Variants in EPB41L1 observed in about 807,000 individuals in gnomAD.
The protein encoded by EPB41L1 is band 4.1-like protein 1.
Under a neutral mutation model 97.8 loss-of-function variants are expected in EPB41L1, and 29 were observed. The observed-to-expected ratio is 0.30, with a 90% CI of 0.22 to 0.40. The LOEUF (loss-of-function observed/expected upper bound fraction) is 0.40. EPB41L1 is among the 10% of genes least tolerant of loss of function. EPB41L1 has a pLI of 1.00. For synonymous variants in EPB41L1, 383 were observed against 459.2 expected (o/e 0.83, Z 2.12); for missense variants, 812 against 1,162.3 (o/e 0.70, Z 4.38).
At chr20:36,214,718 G>A (rs1008169045) in intron 17 of EPB41L1, among the ~76,000 whole-genome samples, 7 of 152,006 alleles carry the variant, frequency 4.6e-5, no homozygotes, top group Non-Finnish European at 1.0e-4. Context: ...AGAGAGAGAG[G>A]ATGGTCTTCT....
chr20:36,135,379 C>T (rs1600502450), intron 2 of EPB41L1, among the ~76,000 whole-genome samples: 1 of 152,256 alleles, frequency 6.6e-6, no homozygotes, highest in East Asian at 1.9e-4. Context: ...CGGTCTTGGC[C>T]TTAGGGACTG....
At chr20:36,189,796 T>A (rs192563820) in intron 9 of EPB41L1, among the ~76,000 whole-genome samples, 73 of 152,352 alleles carry the variant, frequency 4.8e-4, no homozygotes, top group Admixed American at 1.6e-3. Flanking sequence ...TGCCTTGGTC[T>A]CCATGTATCT....
At chr20:36,094,012 G>A (rs2057752173) in intron 1 of EPB41L1, among the ~76,000 whole-genome samples, 1 of 152,102 alleles carries the variant, frequency 6.6e-6, no homozygotes, top group African/African-American at 2.4e-5. Context: ...CCCTCCTCAG[G>A]AGACCTCTCT....
chr20:36,094,103 T>G (rs2057755065), intron 1 of EPB41L1, among the ~76,000 whole-genome samples: 1 of 152,236 alleles, frequency 6.6e-6, no homozygotes, highest in African/African-American at 2.4e-5. Flanking sequence ...AGATCTGTAG[T>G]CTGTGTGCAT....
chr20:36,197,469 G>T (rs1220871248), intron 13 of EPB41L1, among the ~76,000 whole-genome samples: 2 of 152,210 alleles, frequency 1.3e-5, no homozygotes, highest in Non-Finnish European at 2.9e-5. Context: ...GTTGCTGCCT[G>T]CTATGCCTTA....
intron 17 of EPB41L1, 119 bp from the exon 18 acceptor site, chr20:36,218,757 T>G: frequency 1.1e-6 from 1 of 910,882 alleles, no homozygotes; most frequent in Non-Finnish European, 1.8e-6. Context: ...CTTCAGTCCT[T>G]TGCTTCTATT....
At chr20:36,101,049 T>C (rs771690041) in intron 1 of EPB41L1, among the ~76,000 whole-genome samples, 2 of 152,204 alleles carry the variant, frequency 1.3e-5, no homozygotes, top group Non-Finnish European at 2.9e-5. Flanking sequence ...CAATTTTTCA[T>C]TGAATCGAGT....
chr20:36,181,314 C>G (rs1415821324), intron 5 of EPB41L1, among the ~76,000 whole-genome samples: 1 of 152,226 alleles, frequency 6.6e-6, no homozygotes, highest in Non-Finnish European at 1.5e-5. Flanking sequence ...TACCTCATAT[C>G]TACCTGCCTT....
rs1412912322 is a variant in EPB41L1 at position 36,092,553 on chromosome 20, C to T, written c.-65+941C>T. The T allele has an allele frequency of 2.0e-5, 3 of 151,926 alleles. No homozygotes were observed. Among genetic ancestry groups the T allele is most frequent in the Admixed American group, 2.0e-4 (3 of 15,248 alleles). 9.4% of individuals were successfully genotyped at this position (151,926 alleles called of 1,614,324 possible). A position where few individuals can be genotyped will look rare whatever the true frequency, so the allele number is the denominator to read the frequency against. On this transcript the variant is annotated intron_variant, in intron 1 of 19. Coordinates refer to the EPB41L1 transcript ENST00000202028. The surrounding 1 kb of genome is among the most constrained non-coding windows in gnomAD (Gnocchi z 7.0). ...TCGCCGCCGCTGCTTGCTCGTTCGCCCGCCCGCTGCTGCTTGGGGGGCCGG... is the reference window on the plus strand; with the variant it reads ...TCGCCGCCGCTGCTTGCTCGTTCGCTCGCCCGCTGCTGCTTGGGGGGCCGG...
chr20:36,098,343 C>G (rs1176553922), intron 1 of EPB41L1, among the ~76,000 whole-genome samples: 1 of 152,188 alleles, frequency 6.6e-6, no homozygotes, highest in African/African-American at 2.4e-5. Flanking sequence ...TGTCATGAAG[C>G]ACGCAAACCA....
intron 3 of EPB41L1, among the ~76,000 whole-genome samples, chr20:36,177,632 TCTC>T (rs2061303347): frequency 6.6e-6 from 1 of 152,182 alleles, no homozygotes; most frequent in Admixed American, 6.5e-5. Flanking sequence ...TTAGCCTCCT[TCTC>T]CTAATCACTA....
chr20:36,210,390 T>C (rs1212800026), intron 15 of EPB41L1, among the ~76,000 whole-genome samples: 2 of 151,880 alleles, frequency 1.3e-5, no homozygotes, highest in Admixed American at 6.6e-5. Flanking sequence ...AGAGGAAATG[T>C]GGTCATTGAG....
intron 2 of EPB41L1, among the ~76,000 whole-genome samples, chr20:36,124,917 C>T (rs2058899999): frequency 1.3e-5 from 2 of 151,954 alleles, no homozygotes; most frequent in African/African-American, 4.8e-5. Context: ...TGATAGATTG[C>T]ATACATGGTG....
chr20:36,207,852 T>C lies in EPB41L1; in HGVS notation c.1669-1636T>C. The stretch of plus-strand genomic sequence containing the variant: ...TGGGGGCTGGCCGCATGCTCTGTAG[T>C]TTTTAGAAGCATGTTTCAGTGGCCC... On this transcript the variant is annotated intron_variant, in intron 14 of 21. Transcript: ENST00000338074. This position sits in a 1 kb window ranked among gnomAD's most constrained non-coding sequence, Gnocchi z 4.9. 1.7e-6 allele frequency: 2 copies of C among 1,211,500 alleles called. No homozygotes were observed. The highest frequency in any genetic ancestry group is 1.2e-4 in the East Asian group (2 of 17,390). The allele number at this position is 1,211,500 out of a possible 1,614,324, so 75.0% of individuals were successfully genotyped here. A position where few individuals can be genotyped will look rare whatever the true frequency, so the allele number is the denominator to read the frequency against.
chr20:36,185,870 A>G (rs933588412), intron 7 of EPB41L1, among the ~76,000 whole-genome samples: 1 of 152,212 alleles, frequency 6.6e-6, no homozygotes, highest in Non-Finnish European at 1.5e-5. Flanking sequence ...TTAAAGGCAC[A>G]CTGCATGTTG....
rs1037394725 is a variant in EPB41L1 at position 36,229,403 on chromosome 20, C to T, written c.*63C>T. 3.2e-6 allele frequency: 5 copies of T among 1,567,170 alleles called. No individual in the cohort carries two copies. The highest frequency in any genetic ancestry group is 4.4e-6 in the Non-Finnish European group (5 of 1,138,262). ...AAGCCAGAGAACCATTAAGAAGGGG[C>T]CTTCATTCTGGATTCTCCGACGCAA... On this transcript the variant is annotated 3_prime_UTR_variant, in exon 22 of 22. Transcript: ENST00000338074.
intron 1 of EPB41L1, among the ~76,000 whole-genome samples, chr20:36,170,941 T>G (rs2060962957): frequency 6.6e-6 from 1 of 152,024 alleles, no homozygotes; most frequent in African/African-American, 2.4e-5. Context: ...GACTGGGATA[T>G]TTATTTAAGG....
At chr20:36,147,316 A>G (rs1054323505) in intron 2 of EPB41L1, among the ~76,000 whole-genome samples, 4 of 152,256 alleles carry the variant, frequency 2.6e-5, no homozygotes, top group African/African-American at 9.6e-5. Flanking sequence ...TTATAACATA[A>G]ACACAGAAAA....
At position 36,177,936 on chromosome 20, in the gene EPB41L1, C is replaced by G; in HGVS notation, c.343-16C>G. 6.2e-7 allele frequency: 1 copy of G among 1,609,554 alleles called. No homozygotes were observed. The highest frequency in any genetic ancestry group is 8.5e-7 in the Non-Finnish European group (1 of 1,175,864). ...GGTGTGCTTCAGCCTCATAGCTGCT[C>G]TGCTTCCCTCCTTAGAAACATGGCC... is the stretch of plus-strand genomic sequence containing the variant. On this transcript the variant is annotated splice_polypyrimidine_tract_variant and intron_variant, in intron 3 of 21. Transcript: ENST00000338074.
Sources: allele counts gnomAD v4.1 joint callset (sites outside exome capture counted in the v4.1 genomes callset), GRCh38; gene constraint gnomAD v4.1.1; non-coding constraint Gnocchi (gnomAD v3.1); transcripts MANE v1.5; gene names NCBI Gene and HGNC (gene_info 2026-07-23, HGNC 2026-07-21).